VPS13D: variants seen among roughly 807,000 people sequenced by gnomAD.
VPS13D encodes the protein vacuolar protein sorting 13 homolog D, also known as intermembrane lipid transfer protein VPS13D.
In VPS13D, 187 loss-of-function variants were observed where a neutral mutation model predicts 461.9. The observed-to-expected ratio is 0.40, with a 90% CI of 0.36 to 0.46. VPS13D has a LOEUF of 0.46. Ranked by LOEUF, VPS13D falls within the 20% of genes least tolerant of loss-of-function variation. The pLI is 0.60. For missense variants in VPS13D, 4,711 were observed against 5,364.9 expected (o/e 0.88, Z 3.81); for synonymous variants, 1,951 against 1,986.3 (o/e 0.98, Z 0.47).
chr1:12,262,183 C>A lies in VPS13D; in HGVS notation c.1594+103C>A, dbSNP rs114860755. ...GTGGGGATAGTCTAGAAAGTCAGTG[C>A]GAAAACTGTATTAGCTAATGTGGAA... is the stretch of plus-strand genomic sequence containing the variant. On this transcript the variant is annotated intron_variant, in intron 13 of 69. Coordinates refer to ENST00000620676, the MANE Select transcript of VPS13D (RefSeq NM_015378.4). The A allele has an allele frequency of 2.1e-3, 2,772 of 1,289,860 alleles. 50 individuals carry two copies. The African/African-American group carries it at 0.036, about 17-fold the overall frequency. The allele number at this position is 1,289,860 out of a possible 1,614,324, so 79.9% of individuals were successfully genotyped here.
chr1:12,440,768 C>T (rs917327211), intron 65 of VPS13D, among the ~76,000 whole-genome samples: 10 of 150,810 alleles, frequency 6.6e-5, no homozygotes, highest in Non-Finnish European at 1.0e-4. Flanking sequence ...CCTGGCTACT[C>T]GGGAGGCTGA....
chr1:12,325,976 C>CTTTTTTTTTTTTTTTTTT, intron 35 of VPS13D, among the ~76,000 whole-genome samples: 1 of 137,288 alleles, frequency 7.3e-6, no homozygotes, highest in Middle Eastern at 4.0e-3. Context: ...TACTTGATTT[C>CTTTTTTTTTTTTTTTTTT]TTTTTTTTTT....
At position 12,510,910 on chromosome 1, in the gene VPS13D, A is replaced by G. The variant is rs3737610; in HGVS notation, c.*1886A>G. Reference sequence around the variant, plus strand: ...TGTCATCAGTAACCTACTGCCTGAGATCATGATCTCTTAAAAGATGAGACT... The same window carrying G: ...TGTCATCAGTAACCTACTGCCTGAGGTCATGATCTCTTAAAAGATGAGACT... On this transcript the variant is annotated 3_prime_UTR_variant, in exon 70 of 70. Transcript: ENST00000620676. The G allele has an allele frequency of 1.6e-4, 24 of 152,134 alleles. No individual in the cohort carries two copies. The highest frequency in any genetic ancestry group is 5.8e-4 in the African/African-American group (24 of 41,416). 9.4% of individuals were successfully genotyped at this position (152,134 alleles called of 1,614,324 possible). A position where few individuals can be genotyped will look rare whatever the true frequency, so the allele number is the denominator to read the frequency against.
At chr1:12,420,471 T>C (rs1273267537) in intron 65 of VPS13D, among the ~76,000 whole-genome samples, 2 of 152,254 alleles carry the variant, frequency 1.3e-5, no homozygotes, top group East Asian at 1.9e-4. Flanking sequence ...GCCAGTGCAC[T>C]GCACTTTACT....
chr1:12,498,834 A>C (rs976092609), intron 68 of VPS13D, among the ~76,000 whole-genome samples: 2 of 152,114 alleles, frequency 1.3e-5, no homozygotes, highest in African/African-American at 4.8e-5. Flanking sequence ...GGTGTCTCTT[A>C]TAAGGGTACT....
intron 60 of VPS13D, among the ~76,000 whole-genome samples, chr1:12,392,729 A>C (rs1644444440): frequency 1.3e-5 from 2 of 152,036 alleles, no homozygotes; most frequent in African/African-American, 4.8e-5. Context: ...AAAATCCTAG[A>C]GGCCTCTGCT....
At chr1:12,369,150 C>T (rs555047747) in intron 53 of VPS13D, among the ~76,000 whole-genome samples, 3 of 152,160 alleles carry the variant, frequency 2.0e-5, no homozygotes, top group African/African-American at 4.8e-5. Context: ...GATGGAATTG[C>T]TCCCCTTAGA....
intron 46 of VPS13D, among the ~76,000 whole-genome samples, chr1:12,350,330 T>C (rs1337577234): frequency 6.6e-6 from 1 of 152,156 alleles, no homozygotes; most frequent in Non-Finnish European, 1.5e-5. Context: ...AGAATGTATT[T>C]CCTGATCACA....
At chr1:12,258,169 A>G (rs1302511897) in intron 10 of VPS13D, 66 bp downstream of exon 10, 2 of 1,576,734 alleles carry the variant, frequency 1.3e-6, no homozygotes, top group African/African-American at 1.4e-5. Context: ...CTCAAAGACT[A>G]AAGAAAATGG....
At position 12,507,228 on chromosome 1, in the gene VPS13D, G is replaced by A. The variant is rs1206168247; in HGVS notation, c.13035+135G>A. On this transcript the variant is annotated intron_variant, in intron 69 of 69. Coordinates refer to ENST00000620676, the MANE Select transcript of VPS13D (RefSeq NM_015378.4). The surrounding 1 kb of genome is among the most constrained non-coding windows in gnomAD (Gnocchi z 5.3). ...CCCTTCCCAGGAGTGCTGCCTCTCA[G>A]TCCTGAACATGGGAGGGGCCCAGGG... The A allele has an allele frequency of 6.7e-7, 1 of 1,488,316 alleles. No individual in the cohort carries two copies. The highest frequency in any genetic ancestry group is 1.1e-5 in the South Asian group (1 of 87,984). The allele number at this position is 1,488,316 out of a possible 1,614,324, so 92.2% of individuals were successfully genotyped here.
At chr1:12,378,146 A>C (rs1644226341) in intron 55 of VPS13D, among the ~76,000 whole-genome samples, 1 of 152,192 alleles carries the variant, frequency 6.6e-6, no homozygotes, top group African/African-American at 2.4e-5. Flanking sequence ...AATTTCTAAA[A>C]AAGGAAAAAA....
At chr1:12,377,055 T>C (rs1282532629) in intron 55 of VPS13D, among the ~76,000 whole-genome samples, 5 of 151,890 alleles carry the variant, frequency 3.3e-5, no homozygotes, top group Middle Eastern at 3.2e-3. Flanking sequence ...TTTTTTCTTT[T>C]TTTCTTTCTT....
At chr1:12,292,152 G>A (rs980139107) in intron 23 of VPS13D, among the ~76,000 whole-genome samples, 4 of 151,304 alleles carry the variant, frequency 2.6e-5, no homozygotes, top group Admixed American at 6.6e-5. Flanking sequence ...CCAGCTAGTC[G>A]GGAGGCTGAG....
intron 67 of VPS13D, among the ~76,000 whole-genome samples, chr1:12,488,669 C>CAA (rs79424685): frequency 7.9e-4 from 65 of 82,604 alleles, no homozygotes; most frequent in African/African-American, 1.5e-3. Context: ...TCATTTGAAC[C>CAA]AAAAAAAAAA....
chr1:12,390,448 C>T lies in VPS13D; in HGVS notation c.11634+4114C>T, dbSNP rs190285860. Among the ~76,000 whole-genome samples, 239 of 152,244 alleles carry T rather than the reference C, an allele frequency of 1.6e-3. 3 individuals are homozygous for T. Among genetic ancestry groups the T allele is most frequent in the African/African-American group, 5.5e-3 (229 of 41,530 alleles). ...AATTCCATGAGCATGAGTCCACTGC[C>T]GCACTTCTTTAGCCGTAAGGTGAGT... On this transcript the variant is annotated intron_variant, in intron 60 of 69. Coordinates refer to ENST00000620676, the MANE Select transcript of VPS13D (RefSeq NM_015378.4).
Position 12,363,077 on chromosome 1 carries a change from A to G in VPS13D, c.10278A>G (p.Thr3426=). ...TGTGATCCTATGTGTTTTAGGGAACAGCCAATCCCGAAGGTTACATTTCCA... is the reference window on the plus strand; with the variant it reads ...TGTGATCCTATGTGTTTTAGGGAACGGCCAATCCCGAAGGTTACATTTCCA... ...AQREFARGQG[T]ANPEGYISTL... The change falls in exon 52 of 70, where the codon ACA becomes ACG. Residue 3426 remains threonine (T), a synonymous_variant. Coordinates refer to ENST00000620676, the MANE Select transcript of VPS13D (RefSeq NM_015378.4). 1 of 1,614,098 alleles carries G rather than the reference A, an allele frequency of 6.2e-7. No homozygotes were observed. Among genetic ancestry groups the G allele is most frequent in the East Asian group, 2.2e-5 (1 of 44,890 alleles).
chr1:12,382,841 A>G, intron 57 of VPS13D, 135 bp from the exon 58 acceptor site: 4 of 726,916 alleles, frequency 5.5e-6, no homozygotes, highest in Non-Finnish European at 6.8e-6. Flanking sequence ...ACAAATAGTA[A>G]AGGCTTTGTT....
At chr1:12,293,240 A>G (rs1348577876) in intron 23 of VPS13D, among the ~76,000 whole-genome samples, 3 of 152,170 alleles carry the variant, frequency 2.0e-5, no homozygotes, top group Admixed American at 6.5e-5. Flanking sequence ...AGGAATACTT[A>G]CCTTTCAGGG....
At chr1:12,398,753 G>C (rs1247880055) in intron 60 of VPS13D, among the ~76,000 whole-genome samples, 1 of 152,214 alleles carries the variant, frequency 6.6e-6, no homozygotes, top group African/African-American at 2.4e-5. Context: ...CCCGAGAAGG[G>C]AGTTGACCTT....
Sources: allele counts gnomAD v4.1 joint callset (sites outside exome capture counted in the v4.1 genomes callset), GRCh38; gene constraint gnomAD v4.1.1; non-coding constraint Gnocchi (gnomAD v3.1); transcripts MANE v1.5; gene names NCBI Gene and HGNC (gene_info 2026-07-23, HGNC 2026-07-21).